The following KIR2DL4 variants were observed in gnomAD, a reference collection of about 807,000 sequenced individuals.
KIR2DL4 encodes the protein killer cell immunoglobulin-like receptor 2DL4.
In KIR2DL4, 41 loss-of-function variants were observed where a neutral mutation model predicts 31.0. The observed-to-expected ratio is 1.32, with a 90% CI of 1.03 to 1.72. The LOEUF (loss-of-function observed/expected upper bound fraction) is 1.72. KIR2DL4 is among the 40% of genes most tolerant of loss of function. The pLI is 0.00. For synonymous variants in KIR2DL4, 164 were observed against 133.6 expected (o/e 1.23, Z -1.57); for missense variants, 438 against 353.7 (o/e 1.24, Z -1.91).
chr19:54,804,242 T>A (rs1370900372), intron 2 of KIR2DL4, among the ~76,000 whole-genome samples: 1 of 150,758 alleles, frequency 6.6e-6, no homozygotes, highest in Non-Finnish European at 1.5e-5. Flanking sequence ...GATACTGAGG[T>A]GCTCAAAGCT....
exon 8 of KIR2DL4, chr19:54,814,199 A>C: frequency 7.0e-7 from 1 of 1,435,540 alleles, no homozygotes; most frequent in Non-Finnish European, 9.6e-7. Context: ...TAAGGTCCCC[A>C]CTGCCTGCTG....
At chr19:54,813,048 C>A (rs2147979171) in intron 5 of KIR2DL4, 3 of 1,174,068 alleles carry the variant, frequency 2.6e-6, no homozygotes, top group Non-Finnish European at 2.4e-6. Flanking sequence ...GGTTGCCTGG[C>A]AACCAAGAAA....
intron 3 of KIR2DL4, among the ~76,000 whole-genome samples, chr19:54,805,417 G>C (rs1168834433): frequency 6.6e-6 from 1 of 151,138 alleles, no homozygotes; most frequent in East Asian, 1.9e-4. Flanking sequence ...GGAGAAGGAA[G>C]AGGAGAATGG....
intron 4 of KIR2DL4, among the ~76,000 whole-genome samples, chr19:54,806,575 C>G (rs1023327291): frequency 3.3e-5 from 5 of 151,316 alleles, no homozygotes; most frequent in Non-Finnish European, 4.4e-5. Flanking sequence ...CCCACCCTGG[C>G]CTCTCACCTA....
intron 5 of KIR2DL4, among the ~76,000 whole-genome samples, chr19:54,811,961 T>C (rs1259382971): frequency 6.6e-6 from 1 of 151,482 alleles, no homozygotes; most frequent in Non-Finnish European, 1.5e-5. Flanking sequence ...CTGTTTGATA[T>C]AAGACAGCTC....
At chr19:54,807,277 G>A (rs1455961326) in intron 4 of KIR2DL4, among the ~76,000 whole-genome samples, 9 of 150,820 alleles carry the variant, frequency 6.0e-5, no homozygotes, top group African/African-American at 2.2e-4. Flanking sequence ...TCCACTGATG[G>A]GCAGGTAGGT....
At chr19:54,803,685 T>C in exon 1 of KIR2DL4, 6 of 1,612,146 alleles carry the variant, frequency 3.7e-6, no homozygotes, top group Non-Finnish European at 5.1e-6. Context: ...CATCCTGGCA[T>C]GTCTTGGTGA....
chr19:54,812,521 A>G (rs1436456835), intron 5 of KIR2DL4, among the ~76,000 whole-genome samples: 7 of 150,836 alleles, frequency 4.6e-5, no homozygotes, highest in Non-Finnish European at 8.8e-5. Flanking sequence ...CTATAAAAGA[A>G]CACTTGAGCC....
At chr19:54,810,754 T>C (rs555272549) in intron 5 of KIR2DL4, among the ~76,000 whole-genome samples, 2,425 of 150,968 alleles carry the variant, frequency 0.016, 141 homozygotes, top group African/African-American at 0.056. Flanking sequence ...CCATTGGACT[T>C]ACCTCGGGGC....
In KIR2DL4 at chr19:54,813,118, C is replaced by T. The variant is rs2060966655; in HGVS notation, c.707-7C>T. On this transcript the variant is annotated splice_polypyrimidine_tract_variant and splice_region_variant and intron_variant, in intron 5 of 7. Transcript: ENST00000359085. Reference sequence around the variant, plus strand: ...TAGCTTCTTATTGGATTCCCATCTTCCTCCAGGTATCGCCAGACACCTGCA... The same window carrying T: ...TAGCTTCTTATTGGATTCCCATCTTTCTCCAGGTATCGCCAGACACCTGCA... 2.8e-6 allele frequency: 4 copies of T among 1,444,850 alleles called. No individual in the cohort carries two copies. The South Asian group carries it at 4.7e-5, about 17-fold the overall frequency. The allele number at this position is 1,444,850 out of a possible 1,614,324, so 89.5% of individuals were successfully genotyped here.
chr19:54,813,784 CG>C (rs2061027676), intron 7 of KIR2DL4, 42 bp downstream of exon 6: 10 of 1,611,222 alleles, frequency 6.2e-6, no homozygotes, highest in South Asian at 5.5e-5. Flanking sequence ...AGTCTTATTC[CG>C]AAATAGTCCT....
At chr19:54,813,917 A>G in exon 8 of KIR2DL4, 1 of 1,612,506 alleles carries the variant, frequency 6.2e-7, no homozygotes, top group Non-Finnish European at 8.5e-7. Flanking sequence ...GAGAAAAATC[A>G]CTGGCCCTTC....
intron 5 of KIR2DL4, among the ~76,000 whole-genome samples, chr19:54,810,066 G>A (rs1396154267): frequency 1.3e-5 from 2 of 149,532 alleles, no homozygotes; most frequent in Non-Finnish European, 3.0e-5. Context: ...ATGCACCAGT[G>A]GACCAATAAA....
intron 2 of KIR2DL4, 53 bp from the exon 3 acceptor site, chr19:54,804,740 G>A: frequency 2.6e-6 from 4 of 1,552,496 alleles, no homozygotes; most frequent in Non-Finnish European, 2.6e-6. Flanking sequence ...GCACAGGGAG[G>A]GAGGGGCAGC....
chr19:54,808,792 G>C, intron 4 of KIR2DL4, 41 bp from the exon 5 acceptor site: 2 of 1,373,508 alleles, frequency 1.5e-6, no homozygotes, highest in Non-Finnish European at 1.0e-6. Context: ...TAGAAGACAG[G>C]CATCCTCATT....
exon 6 of KIR2DL4, chr19:54,813,192 C>A (rs1382473111): frequency 6.5e-7 from 1 of 1,534,352 alleles, no homozygotes. Flanking sequence ...CCATCCTTCC[C>A]TTCTTTCTCC....
intron 3 of KIR2DL4, among the ~76,000 whole-genome samples, chr19:54,805,420 G>A (rs906778895): frequency 7.9e-5 from 12 of 151,104 alleles, no homozygotes; most frequent in African/African-American, 2.9e-4. Context: ...GAAGGAAGAG[G>A]AGAATGGGGA....
Position 54,813,751 on chromosome 19 carries a change from T to C in KIR2DL4, c.*41+9T>C. ...GAACAGTGAACAGGGAGGTAGGTCCTCCTAGCCCAGCCTCATGGATACAGT... is the reference window on the plus strand; with the variant it reads ...GAACAGTGAACAGGGAGGTAGGTCCCCCTAGCCCAGCCTCATGGATACAGT... On this transcript the variant is annotated intron_variant, in intron 7 of 7. Transcript: ENST00000359085. 1 of 1,611,488 alleles carries C rather than the reference T, an allele frequency of 6.2e-7. No homozygotes were observed. Among genetic ancestry groups the C allele is most frequent in the South Asian group, 1.1e-5 (1 of 90,582 alleles).
chr19:54,809,967 T>C (rs1369821099), intron 5 of KIR2DL4, among the ~76,000 whole-genome samples: 1 of 149,822 alleles, frequency 6.7e-6, no homozygotes. Context: ...GGCATTCTTA[T>C]CCTTTCCACA....
Sources: gnomAD v4.1 joint callset for allele counts (sites outside exome capture counted in the v4.1 genomes callset) on GRCh38, gnomAD v4.1.1 for gene constraint, MANE v1.5 for transcripts, NCBI Gene and HGNC (gene_info 2026-07-23, HGNC 2026-07-21) for gene names.